Variants in PCDH15 observed in about 807,000 individuals in gnomAD.
The protein encoded by PCDH15 is protocadherin-15.
PCDH15 carries 129 observed loss-of-function variants against 178.5 expected under a neutral mutation model. The observed-to-expected ratio is 0.72, with a 90% CI of 0.63 to 0.84. PCDH15 has a LOEUF of 0.84. Among genes scored for constraint, PCDH15 ranks in the 40% least tolerant of loss-of-function variants. PCDH15 has a pLI of 0.00. For missense variants in PCDH15, 2,230 were observed against 2,099.9 expected, an observed-to-expected ratio of 1.06 and a Z score of -1.21; for synonymous variants, 800 against 732.0, an observed-to-expected ratio of 1.09 and a Z score of -1.50.
intron 3 of PCDH15, among the ~76,000 whole-genome samples, chr10:54,524,051 T>C (rs1032952439): frequency 6.6e-6 from 1 of 152,160 alleles, no homozygotes. Flanking sequence ...TGAACTTTGG[T>C]GCTTCCTCCC....
chr10:54,161,140 A>C (rs1008705611), intron 13 of PCDH15, among the ~76,000 whole-genome samples: 1 of 152,206 alleles, frequency 6.6e-6, no homozygotes, highest in African/African-American at 2.4e-5. Flanking sequence ...GAAACAACTG[A>C]AATGCCCATC....
chr10:53,961,326 T>A (rs1247167128), intron 22 of PCDH15, among the ~76,000 whole-genome samples: 3 of 151,978 alleles, frequency 2.0e-5, no homozygotes, highest in African/African-American at 7.2e-5. Flanking sequence ...GAAAGTCTAA[T>A]TATAAAGCAA....
chr10:54,144,910 A>G (rs1413414698), intron 14 of PCDH15, among the ~76,000 whole-genome samples: 1 of 152,150 alleles, frequency 6.6e-6, no homozygotes, highest in Non-Finnish European at 1.5e-5. Context: ...ATTTCTCCCT[A>G]CGTCCTACAA....
chr10:55,005,262 C>CCAAA (rs1281807835), intron 2 of PCDH15, among the ~76,000 whole-genome samples: 1 of 135,860 alleles, frequency 7.4e-6, no homozygotes, highest in Non-Finnish European at 1.6e-5. Context: ...GTATTTTTAT[C>CCAAA]TTGTACTCCA....
chr10:54,280,045 T>C (rs548097315), intron 8 of PCDH15, among the ~76,000 whole-genome samples: 10 of 151,792 alleles, frequency 6.6e-5, no homozygotes, highest in South Asian at 6.2e-4. Context: ...ATTACACATT[T>C]ATGCTGAAAA....
rs1290906095 is a variant in PCDH15 at position 54,267,685 on chromosome 10, G to GA, written c.877-30755dup. The stretch of plus-strand genomic sequence containing the variant: ...AATCCCATTTATGAGAGCCACAAGA[G>GA]AAAAAAATGAAATACTTAGGAATAC... On this transcript the variant is annotated intron_variant, in intron 8 of 37. Transcript: ENST00000644397. Among the ~76,000 whole-genome samples the GA allele has an allele frequency of 6.6e-5, 10 of 151,560 alleles. No individual in the cohort carries two copies. The South Asian group carries it at 1.0e-3, about 16-fold the overall frequency.
intron 2 of PCDH15, among the ~76,000 whole-genome samples, chr10:54,979,815 C>CGTGTAACATACAATAT (rs1554820187): frequency 1.3e-5 from 2 of 151,484 alleles, no homozygotes; most frequent in Non-Finnish European, 2.9e-5. Context: ...CCATATTCTA[C>CGTGTAACATACAATAT]GTGTAACATA....
chr10:54,455,326 C>G (rs2076746390), intron 3 of PCDH15, among the ~76,000 whole-genome samples: 1 of 152,046 alleles, frequency 6.6e-6, no homozygotes, highest in South Asian at 2.1e-4. Flanking sequence ...CAGGCAGAGG[C>G]TGGAAAAGTT....
At chr10:55,096,772 A>T (rs545291495) in intron 2 of PCDH15, among the ~76,000 whole-genome samples, 58 of 152,206 alleles carry the variant, frequency 3.8e-4, no homozygotes, top group African/African-American at 1.4e-3. Flanking sequence ...ATGTAGCATA[A>T]CGTCCTCCAA....
At chr10:54,464,793 A>T (rs2077412213) in intron 3 of PCDH15, among the ~76,000 whole-genome samples, 1 of 152,178 alleles carries the variant, frequency 6.6e-6, no homozygotes, top group South Asian at 2.1e-4. Flanking sequence ...ATTTTAAACA[A>T]GAGCAACCTA....
intron 26 of PCDH15, among the ~76,000 whole-genome samples, chr10:53,879,304 C>T (rs2080517371): frequency 6.6e-6 from 1 of 152,098 alleles, no homozygotes; most frequent in South Asian, 2.1e-4. Flanking sequence ...ATTGATGTCT[C>T]TTTACTGAAT....
At chr10:54,519,924 C>G (rs1352325914) in intron 3 of PCDH15, among the ~76,000 whole-genome samples, 1 of 152,178 alleles carries the variant, frequency 6.6e-6, no homozygotes, top group Non-Finnish European at 1.5e-5. Context: ...CTACAACTAT[C>G]TGATCTTTGA....
intron 19 of PCDH15, among the ~76,000 whole-genome samples, chr10:54,021,976 T>C (rs1310154299): frequency 1.3e-5 from 2 of 152,072 alleles, no homozygotes; most frequent in African/African-American, 4.8e-5. Flanking sequence ...GATGAAGGAA[T>C]AATTGTTCTC....
intron 2 of PCDH15, among the ~76,000 whole-genome samples, chr10:55,143,610 G>C (rs1263203634): frequency 6.6e-6 from 1 of 151,936 alleles, no homozygotes; most frequent in African/African-American, 2.4e-5. Flanking sequence ...GAGATAGTAT[G>C]GAGATCACAT....
At chr10:55,084,081 T>G (rs1842105495) in intron 2 of PCDH15, among the ~76,000 whole-genome samples, 1 of 151,876 alleles carries the variant, frequency 6.6e-6, no homozygotes, top group African/African-American at 2.4e-5. Flanking sequence ...ATTCTAAAAT[T>G]TATATGAAAC....
At chr10:54,771,563 G>A (rs1201798795) in intron 1 of PCDH15, among the ~76,000 whole-genome samples, 4 of 151,924 alleles carry the variant, frequency 2.6e-5, no homozygotes, top group Non-Finnish European at 5.9e-5. Flanking sequence ...TTATCATTAG[G>A]CTTGAATTGG....
At chr10:54,034,776 C>T (rs952932380) in intron 18 of PCDH15, among the ~76,000 whole-genome samples, 7 of 151,790 alleles carry the variant, frequency 4.6e-5, no homozygotes, top group African/African-American at 1.5e-4. Flanking sequence ...TAGTAGGTAA[C>T]TATTTTAGAA....
intron 18 of PCDH15, among the ~76,000 whole-genome samples, chr10:54,044,292 G>C (rs746490300): frequency 4.6e-5 from 7 of 152,124 alleles, no homozygotes; most frequent in Non-Finnish European, 1.5e-5. Context: ...TGTAGGTAGT[G>C]AAAGTGCCTG....
At chr10:54,815,371 A>G (rs1952932211) in intron 3 of PCDH15, among the ~76,000 whole-genome samples, 1 of 152,140 alleles carries the variant, frequency 6.6e-6, no homozygotes, top group Non-Finnish European at 1.5e-5. Context: ...CACAGTTAAG[A>G]GAAATGTAAA....
Sources: allele counts gnomAD v4.1 joint callset (sites outside exome capture counted in the v4.1 genomes callset), GRCh38; gene constraint gnomAD v4.1.1; transcripts MANE v1.5; gene names NCBI Gene and HGNC (gene_info 2026-07-23, HGNC 2026-07-21).